Variants in CACNA2D3 observed in about 807,000 individuals in gnomAD.
CACNA2D3 encodes the protein voltage-dependent calcium channel subunit alpha-2/delta-3.
CACNA2D3 carries 60 observed loss-of-function variants against 160.6 expected under a neutral mutation model. The observed-to-expected ratio is 0.37, with a 90% CI of 0.30 to 0.46. The LOEUF (loss-of-function observed/expected upper bound fraction) is 0.46. Ranked by LOEUF, CACNA2D3 falls within the 20% of genes least tolerant of loss-of-function variation. The pLI, the probability that CACNA2D3 is intolerant of heterozygous loss-of-function variation, is 1.00. For missense variants in CACNA2D3, 1,205 were observed against 1,365.0 expected, an observed-to-expected ratio of 0.88 and a Z score of 1.85; for synonymous variants, 558 against 492.9, an observed-to-expected ratio of 1.13 and a Z score of -1.75.
At chr3:54,574,889 C>A (rs1487094690) in intron 8 of CACNA2D3, among the ~76,000 whole-genome samples, 1 of 152,240 alleles carries the variant, frequency 6.6e-6, no homozygotes, top group Non-Finnish European at 1.5e-5. Flanking sequence ...TTTGTTAGTT[C>A]AAGCAAGAAC....
intron 11 of CACNA2D3, among the ~76,000 whole-genome samples, chr3:54,746,670 A>G (rs1313020851): frequency 1.3e-5 from 2 of 152,230 alleles, no homozygotes; most frequent in Non-Finnish European, 2.9e-5. Flanking sequence ...GGTAGAAGGA[A>G]TGGATTTGTA....
In CACNA2D3 at chr3:54,970,168, A is replaced by G. The variant is rs556514317; in HGVS notation, c.2556+324A>G. 3.3e-5 allele frequency among the ~76,000 whole-genome samples: 5 copies of G among 152,216 alleles called. No homozygotes were observed. In the South Asian group the frequency reaches 1.0e-3, roughly 32 times the overall value. ...TTACAATTCTCAAACCTTTTTCTAC[A>G]TGCCTTAATCTCTTTCCATCCTTGC... On this transcript the variant is annotated intron_variant, in intron 29 of 37. Coordinates refer to ENST00000474759, the MANE Select transcript of CACNA2D3 (RefSeq NM_018398.3).
At chr3:54,775,726 C>A (rs1005729530) in intron 13 of CACNA2D3, among the ~76,000 whole-genome samples, 10 of 152,262 alleles carry the variant, frequency 6.6e-5, no homozygotes, top group South Asian at 6.2e-4. Flanking sequence ...TATTTTTCTT[C>A]ATCACTTCTG....
At chr3:54,722,105 G>C (rs994783278) in intron 11 of CACNA2D3, among the ~76,000 whole-genome samples, 2 of 152,100 alleles carry the variant, frequency 1.3e-5, no homozygotes, top group African/African-American at 4.8e-5. Context: ...GGCTTGCTTT[G>C]TTGCTTTTTA....
intron 5 of CACNA2D3, among the ~76,000 whole-genome samples, chr3:54,517,090 G>T (rs1158881349): frequency 1.3e-5 from 2 of 152,198 alleles, no homozygotes; most frequent in Non-Finnish European, 2.9e-5. Flanking sequence ...TTGGGTGGTG[G>T]TGATTTGCTT....
At chr3:54,871,464 G>T in intron 17 of CACNA2D3, 75 bp from the exon 18 acceptor site, 1 of 1,093,880 alleles carries the variant, frequency 9.1e-7, no homozygotes. Flanking sequence ...CAGGACTTGG[G>T]AAGGTAAAGA....
At chr3:54,820,125 A>T (rs1225127600) in intron 14 of CACNA2D3, among the ~76,000 whole-genome samples, 2 of 152,128 alleles carry the variant, frequency 1.3e-5, no homozygotes, top group Non-Finnish European at 2.9e-5. Context: ...TACTTTTCAC[A>T]TGAGGTCATG....
chr3:54,993,885 A>AGTGTGTGTGTGTGTGTGT (rs34012508), intron 31 of CACNA2D3, among the ~76,000 whole-genome samples: 2 of 111,508 alleles, frequency 1.8e-5, no homozygotes, highest in Admixed American at 9.9e-5. Context: ...TGCAACTGCT[A>AGTGTGTGTGTGTGTGTGT]GTGTGTGTGT....
chr3:54,775,249 TG>T (rs1288275809), intron 13 of CACNA2D3, among the ~76,000 whole-genome samples: 1 of 152,154 alleles, frequency 6.6e-6, no homozygotes. Context: ...CAAAACTTGT[TG>T]GTAGAATCCG....
At chr3:54,778,176 T>C (rs1015752338) in intron 13 of CACNA2D3, among the ~76,000 whole-genome samples, 2 of 152,046 alleles carry the variant, frequency 1.3e-5, no homozygotes, top group Non-Finnish European at 2.9e-5. Flanking sequence ...TACACACTTT[T>C]AAACAACCAG....
At chr3:54,855,016 A>T (rs1334901847) in intron 17 of CACNA2D3, among the ~76,000 whole-genome samples, 1 of 152,124 alleles carries the variant, frequency 6.6e-6, no homozygotes, top group Non-Finnish European at 1.5e-5. Flanking sequence ...ATGTTCTTTA[A>T]TCCTGAAGCT....
At chr3:54,138,531 G>A (rs1212742829) in intron 2 of CACNA2D3, among the ~76,000 whole-genome samples, 1 of 152,216 alleles carries the variant, frequency 6.6e-6, no homozygotes, top group African/African-American at 2.4e-5. Flanking sequence ...GTACTTGCTG[G>A]ACAAATACTT....
intron 3 of CACNA2D3, among the ~76,000 whole-genome samples, chr3:54,361,554 A>G (rs563300885): frequency 5.3e-5 from 8 of 152,364 alleles, no homozygotes; most frequent in African/African-American, 1.9e-4. Flanking sequence ...GCGACATCCC[A>G]TGATGTTTGC....
At chr3:54,918,447 A>T (rs780579795) in intron 27 of CACNA2D3, 95 of 1,602,020 alleles carry the variant, frequency 5.9e-5, no homozygotes, top group Non-Finnish European at 7.6e-5. Context: ...ATCCTATTTG[A>T]GACAAAAGCT....
intron 2 of CACNA2D3, among the ~76,000 whole-genome samples, chr3:54,190,153 A>G (rs1036920235): frequency 1.1e-4 from 17 of 152,122 alleles, no homozygotes; most frequent in East Asian, 5.8e-4. Context: ...TTTTATTCCT[A>G]TGGGTGGAGC....
At chr3:54,944,421 T>TATTTATTC (rs1701556950) in intron 27 of CACNA2D3, among the ~76,000 whole-genome samples, 1 of 151,600 alleles carries the variant, frequency 6.6e-6, no homozygotes, top group Non-Finnish European at 1.5e-5. Context: ...TTTATTTATT[T>TATTTATTC]ATTTATTTAT....
At chr3:54,873,371 C>T (rs536259309) in intron 18 of CACNA2D3, among the ~76,000 whole-genome samples, 217 of 151,292 alleles carry the variant, frequency 1.4e-3, no homozygotes, top group African/African-American at 5.1e-3. Flanking sequence ...CTTCCTTCTT[C>T]ACTTTATCTG....
At chr3:54,835,861 C>T (rs917914905) in intron 14 of CACNA2D3, among the ~76,000 whole-genome samples, 1 of 152,204 alleles carries the variant, frequency 6.6e-6, no homozygotes, top group Non-Finnish European at 1.5e-5. Context: ...AGAAAAGAAG[C>T]TGGCATCCTT....
At chr3:54,888,747 A>G (rs1575532869) in intron 24 of CACNA2D3, among the ~76,000 whole-genome samples, 1 of 146,366 alleles carries the variant, frequency 6.8e-6, no homozygotes, top group South Asian at 2.1e-4. Flanking sequence ...TTTCTATTCA[A>G]TAGTTCATTC....
Sources: allele counts gnomAD v4.1 joint callset (sites outside exome capture counted in the v4.1 genomes callset), GRCh38; gene constraint gnomAD v4.1.1; transcripts MANE v1.5; gene names NCBI Gene and HGNC (gene_info 2026-07-23, HGNC 2026-07-21).